The following N4BP2L2 variants were observed in gnomAD, a reference collection of about 807,000 sequenced individuals.
N4BP2L2 encodes the protein NEDD4 binding protein 2 like 2.
A neutral mutation model predicts 56.2 loss-of-function variants in N4BP2L2; 50 were observed. The ratio of observed to expected loss-of-function variants is 0.89; its 90% CI spans 0.71 to 1.13. The LOEUF (loss-of-function observed/expected upper bound fraction) is 1.13. Ranked by LOEUF, N4BP2L2 falls within the 50% of genes most tolerant of loss-of-function variation. The pLI is 0.00. For missense variants in N4BP2L2, 689 were observed against 693.8 expected, an observed-to-expected ratio of 0.99 and a Z score of 0.08; for synonymous variants, 203 against 223.6, an observed-to-expected ratio of 0.91 and a Z score of 0.82.
chr13:32,519,377 G>A lies in N4BP2L2; in HGVS notation c.1551-1374C>T, dbSNP rs538305984. On this transcript the variant is annotated intron_variant, in intron 5 of 5. Transcript: ENST00000267068. ...TGAGCCAAGATCGTCACTGCAAGCC[G>A]GGTGCAGTGGCTCACACCTGTAATC... Among the ~76,000 whole-genome samples, 11 of 152,140 alleles carry A rather than the reference G, an allele frequency of 7.2e-5. No homozygotes were observed. In the South Asian group the frequency reaches 1.2e-3, roughly 17 times the overall value.
At chr13:32,517,649 T>C in exon 6 of N4BP2L2, 1 of 1,413,640 alleles carries the variant, frequency 7.1e-7, no homozygotes, top group Non-Finnish European at 9.2e-7. Flanking sequence ...TATTTACACT[T>C]TAACAACTTG....
At chr13:32,477,770 T>C in intron 6 of N4BP2L2, 2 of 827,104 alleles carry the variant, frequency 2.4e-6, no homozygotes, top group South Asian at 1.6e-5. Flanking sequence ...TCTGTTCCAA[T>C]TGGGCCTGAC....
chr13:32,535,401 C>T (rs2056289677), intron 2 of N4BP2L2, among the ~76,000 whole-genome samples: 1 of 152,180 alleles, frequency 6.6e-6, no homozygotes, highest in South Asian at 2.1e-4. Context: ...AAGCCCTTAG[C>T]AGAATCTAAA....
At chr13:32,537,652 A>C (rs2056878586) in intron 1 of N4BP2L2, among the ~76,000 whole-genome samples, 1 of 152,220 alleles carries the variant, frequency 6.6e-6, no homozygotes, top group African/African-American at 2.4e-5. Flanking sequence ...GTGTTCATTT[A>C]AAAGGGGGGA....
At position 32,494,749 on chromosome 13, in the gene N4BP2L2, G is replaced by C. The variant is rs141554740; in HGVS notation, c.365+23108C>G. 2.4e-3 allele frequency among the ~76,000 whole-genome samples: 370 copies of C among 152,234 alleles called. 1 individual carries two copies. Among genetic ancestry groups the C allele is most frequent in the African/African-American group, 8.0e-3 (332 of 41,528 alleles). ...CCACTGCACTCCAGCCTGGGTGACAGAGTAACCCAGGTTCTCTAAAGTCGT... is the reference window on the plus strand; with the variant it reads ...CCACTGCACTCCAGCCTGGGTGACACAGTAACCCAGGTTCTCTAAAGTCGT... On this transcript the variant is annotated intron_variant, in intron 6 of 9. Transcript: ENST00000357505.
chr13:32,531,998 T>C (rs1251960983), intron 2 of N4BP2L2, among the ~76,000 whole-genome samples: 1 of 152,230 alleles, frequency 6.6e-6, no homozygotes, highest in Non-Finnish European at 1.5e-5. Flanking sequence ...CCTTTGCTTT[T>C]GGTCTTAACC....
At chr13:32,466,191 T>C (rs1284121744) in intron 6 of N4BP2L2, among the ~76,000 whole-genome samples, 3 of 152,140 alleles carry the variant, frequency 2.0e-5, no homozygotes, top group Non-Finnish European at 4.4e-5. Context: ...GTTCATAAAA[T>C]GGAATATGAT....
intron 6 of N4BP2L2, among the ~76,000 whole-genome samples, chr13:32,459,722 G>C (rs1257197031): frequency 6.6e-6 from 1 of 151,994 alleles, no homozygotes; most frequent in Non-Finnish European, 1.5e-5. Context: ...TATGCTCATT[G>C]ATCAGAACAT....
rs34075107 is a variant in N4BP2L2, at chr13:32,538,070, T to TGGG, written c.-1+545_-1+547dup. On this transcript the variant is annotated intron_variant, in intron 1 of 5. Transcript: ENST00000267068. ...TGGGCGACAGAGGGAGACCCCGTCTTGGGGGGGGGGGGCGGTTACTTCCCC... is the reference window on the plus strand; with the variant it reads ...TGGGCGACAGAGGGAGACCCCGTCTTGGGGGGGGGGGGGGGCGGTTACTTCCCC... Among the ~76,000 whole-genome samples the TGGG allele has an allele frequency of 3.7e-4, 24 of 64,780 alleles. No individual in the cohort carries two copies. In the East Asian group the frequency reaches 6.4e-3, roughly 17 times the overall value. The allele number at this position is 64,780 out of a possible 152,430, so 42.5% of individuals were successfully genotyped here.
chr13:32,489,666 G>A lies in N4BP2L2; in HGVS notation c.365+28191C>T, dbSNP rs530010403. 3.3e-5 allele frequency among the ~76,000 whole-genome samples: 5 copies of A among 151,468 alleles called. No homozygotes were observed. The East Asian group carries it at 9.7e-4, about 29-fold the overall frequency. On this transcript the variant is annotated intron_variant, in intron 6 of 9. Transcript: ENST00000357505. ...TAAACTACGATTAAGAAGGTAAATCGGTTCAATATTCTAACATTAACTCCA... is the reference window on the plus strand; with the variant it reads ...TAAACTACGATTAAGAAGGTAAATCAGTTCAATATTCTAACATTAACTCCA...
intron 3 of N4BP2L2, chr13:32,524,677 T>G (rs1289245087): frequency 6.6e-6 from 1 of 152,246 alleles, no homozygotes; most frequent in African/African-American, 2.4e-5. Flanking sequence ...GGTTTAATAA[T>G]AAGATACCAT....
At chr13:32,485,485 C>G (rs1157665844) in intron 6 of N4BP2L2, among the ~76,000 whole-genome samples, 1 of 152,100 alleles carries the variant, frequency 6.6e-6, no homozygotes, top group African/African-American at 2.4e-5. Context: ...AAACATCACA[C>G]AAAAACAGAA....
Position 32,527,580 on chromosome 13 carries a change from CATCAGAAATAAACT to C in N4BP2L2, c.1260-62_1260-49del, listed in dbSNP as rs66989417. The C allele has an allele frequency of 0.011, 17,115 of 1,588,092 alleles. 1,554 individuals are homozygous for C. In the African/African-American group the frequency reaches 0.2, roughly 18 times the overall value. ...AGGTGCCATTTACAAAATCTATAAC[CATCAGAAATAAACT>C]ATCAGAAATAAATATAACCAAGTGA... On this transcript the variant is annotated intron_variant, in intron 2 of 5. Coordinates refer to ENST00000267068, the Ensembl canonical transcript of N4BP2L2.
At chr13:32,507,551 T>C (rs776782611), downstream of N4BP2L2, 2 of 151,988 alleles carry the variant, frequency 1.3e-5, no homozygotes, top group Non-Finnish European at 2.9e-5. Context: ...AGTACTACAG[T>C]GAAAGTGACA....
At chr13:32,534,042 C>A (rs1048001891) in intron 2 of N4BP2L2, among the ~76,000 whole-genome samples, 1 of 152,144 alleles carries the variant, frequency 6.6e-6, no homozygotes, top group African/African-American at 2.4e-5. Context: ...TGAGCTCTTA[C>A]TAGTTTTTGT....
Position 32,442,701 on chromosome 13 carries a change from T to G in N4BP2L2, c.1791A>C (p.Thr597=), listed in dbSNP as rs764842499. The G allele has an allele frequency of 1.9e-6, 3 of 1,613,770 alleles. No individual in the cohort carries two copies. The South Asian group carries it at 3.3e-5, about 18-fold the overall frequency. Residue 597 remains threonine (T), a synonymous_variant, in exon 7 of 10, where the codon ACA becomes ACC. Coordinates refer to the N4BP2L2 transcript ENST00000357505. ...CGAAAGTCAAAAACAGTTTCTTGTT[T>G]GTAAAAGATGGCTTCCAAATACTAG...
At chr13:32,538,286 T>TTTC (rs147839190) in intron 1 of N4BP2L2, among the ~76,000 whole-genome samples, 7,632 of 152,146 alleles carry the variant, frequency 0.05, 636 homozygotes, top group African/African-American at 0.17. Flanking sequence ...CTCCTCTCGG[T>TTTC]TTCTCCTTTC....
At chr13:32,455,224 A>C (rs755315273) in intron 6 of N4BP2L2, among the ~76,000 whole-genome samples, 2 of 152,182 alleles carry the variant, frequency 1.3e-5, no homozygotes, top group African/African-American at 2.4e-5. Flanking sequence ...AACCCAGGGG[A>C]GTAGCAGGGA....
Position 32,536,670 on chromosome 13 carries a change from T to G in N4BP2L2, c.358A>C (p.Ser120Arg), listed in dbSNP as rs202063370. Residue 120 changes from serine to arginine, a missense_variant, in exon 2 of 6, where the codon AGT (serine) becomes CGT (arginine). Coordinates refer to ENST00000267068, the Ensembl canonical transcript of N4BP2L2. ...TAAATGGGTCCTATAAATGCTTTAC[T>G]TGTGCTATATATCTCATCGTCTGCG... The G allele has an allele frequency of 1.9e-6, 3 of 1,614,152 alleles. No individual in the cohort carries two copies. In the East Asian group the frequency reaches 6.7e-5, roughly 36 times the overall value.
Sources: gnomAD v4.1 joint callset for allele counts (sites outside exome capture counted in the v4.1 genomes callset) on GRCh38, gnomAD v4.1.1 for gene constraint, MANE v1.5 for transcripts, NCBI Gene and HGNC (gene_info 2026-07-23, HGNC 2026-07-21) for gene names.